Variants in NFATC4 observed in about 807,000 individuals in gnomAD.
NFATC4 encodes nuclear factor of activated T-cells, cytoplasmic 4.
NFATC4 carries 25 observed loss-of-function variants against 73.4 expected under a neutral mutation model. The ratio of observed to expected loss-of-function variants is 0.34; its 90% CI spans 0.25 to 0.48. NFATC4 has a LOEUF of 0.48. Ranked by LOEUF, NFATC4 falls within the 20% of genes least tolerant of loss-of-function variation. The pLI is 0.99. For synonymous variants in NFATC4, 523 were observed against 510.3 expected (o/e 1.02, Z -0.34); for missense variants, 1,130 against 1,203.7 (o/e 0.94, Z 0.91).
chr14:24,373,083 C>T lies in NFATC4; in HGVS notation c.1360-88C>T, dbSNP rs1225844735. The T allele has an allele frequency of 2.6e-5, 34 of 1,328,862 alleles. No individual in the cohort carries two copies. The highest frequency in any genetic ancestry group is 3.5e-5 in the Non-Finnish European group (33 of 950,068). 82.3% of individuals were successfully genotyped at this position (1,328,862 alleles called of 1,614,324 possible). Reference sequence around the variant, plus strand: ...GATATCCTTTATCTTTCACCATTCCCATCCCATGGTAGACTGAAAATCTAG... The same window carrying T: ...GATATCCTTTATCTTTCACCATTCCTATCCCATGGTAGACTGAAAATCTAG... On this transcript the variant is annotated intron_variant, in intron 3 of 9. Coordinates refer to ENST00000250373, the MANE Select transcript of NFATC4 (RefSeq NM_004554.5). This position sits in a 1 kb window ranked among gnomAD's most constrained non-coding sequence, Gnocchi z 4.7.
intron 5 of NFATC4, 193 bp from the exon 6 acceptor site, chr14:24,374,133 C>A (rs1014986314): frequency 5.5e-5 from 49 of 898,352 alleles, no homozygotes; most frequent in Non-Finnish European, 8.7e-5. Context: ...CTGTTTAACC[C>A]TCTCTCTGCT....
At chr14:24,375,741 TGG>T in intron 7 of NFATC4, 26 bp downstream of exon 7, 1 of 303,954 alleles carries the variant, frequency 3.3e-6, no homozygotes, top group Non-Finnish European at 5.8e-6. Context: ...GGATACCTCC[TGG>T]GGGGCGGGGG....
At chr14:24,372,398 G>T in intron 2 of NFATC4, 43 bp from the exon 3 acceptor site, 1 of 1,598,938 alleles carries the variant, frequency 6.3e-7, no homozygotes, top group Non-Finnish European at 8.5e-7. Flanking sequence ...GCCTGACTGG[G>T]GTCTGAGGCT....
intron 1 of NFATC4, among the ~76,000 whole-genome samples, chr14:24,368,770 G>A (rs2042376589): frequency 1.3e-5 from 2 of 152,090 alleles, no homozygotes; most frequent in South Asian, 2.1e-4. Context: ...GTTTGGCGCT[G>A]GAGCTGGCCC....
intron 2 of NFATC4, 108 bp from the exon 3 acceptor site, chr14:24,372,333 G>T (rs1159369315): frequency 5.6e-5 from 66 of 1,180,388 alleles, no homozygotes; most frequent in South Asian, 2.2e-4. Context: ...TATTTCTTCT[G>T]TGCTTTCCTT....
At position 24,369,803 on chromosome 14, in the gene NFATC4, T is replaced by G. The variant is rs1566462302; in HGVS notation, c.405T>G (p.Pro135=). The G allele has an allele frequency of 1.3e-6, 2 of 1,597,704 alleles. No individual in the cohort carries two copies. The highest frequency in any genetic ancestry group is 2.2e-5 in the South Asian group (2 of 89,534). The change falls in exon 2 of 10, where the codon CCT becomes CCG. Residue 135 remains proline (P), a synonymous_variant. Transcript: ENST00000250373. The stretch of plus-strand genomic sequence containing the variant: ...CGCCAGCAGCGCTGGAGGACAACCC[T>G]GATGCCTGGGGGGACGGCTCTCCTA... The part of the protein sequence containing the change: ...PEPPAALEDN[P]DAWGDGSPRD...
At position 24,376,461 on chromosome 14, in the gene NFATC4, G is replaced by C. The variant is rs183076331; in HGVS notation, c.2224G>C (p.Gly742Arg). 6.2e-7 allele frequency: 1 copy of C among 1,613,646 alleles called. No homozygotes were observed. Among genetic ancestry groups the C allele is most frequent in the South Asian group, 1.1e-5 (1 of 91,040 alleles). ...AACTCCTTACCTATCAGAAGGCTTC[G>C]GCTATGGCATGCCCCCTCTGTACCC... Reference protein sequence around the residue: ...CETPYLSEGFGYGMPPLYPQT... With the variant: ...CETPYLSEGFRYGMPPLYPQT... Residue 742 changes from glycine to arginine, a missense_variant, in exon 9 of 10, where the codon GGC becomes CGC. Transcript: ENST00000250373. The surrounding 1 kb of genome is among the most constrained non-coding windows in gnomAD (Gnocchi z 5.0).
upstream of NFATC4, chr14:24,367,941 G>A (rs1484872288): frequency 4.0e-6 from 5 of 1,248,404 alleles, no homozygotes; most frequent in Non-Finnish European, 5.0e-6. Context: ...TCACAACGGC[G>A]GACCAATAGG....
upstream of NFATC4, chr14:24,367,598 A>C: frequency 6.5e-7 from 1 of 1,536,116 alleles, no homozygotes. Context: ...TGGCTGATGG[A>C]GGCGCTGATT....
At chr14:24,375,518 G>T (rs897570527) in intron 6 of NFATC4, 142 bp from the exon 7 acceptor site, 1 of 742,098 alleles carries the variant, frequency 1.3e-6, no homozygotes, top group Non-Finnish European at 2.3e-6. Flanking sequence ...AAGTTAACAT[G>T]CAGTGGGCTC....
Position 24,377,843 on chromosome 14 carries a change from G to A in NFATC4, c.*138G>A. 6.7e-7 allele frequency: 1 copy of A among 1,492,382 alleles called. No individual in the cohort carries two copies. Among genetic ancestry groups the A allele is most frequent in the Non-Finnish European group, 9.0e-7 (1 of 1,114,294 alleles). The allele number at this position is 1,492,382 out of a possible 1,614,324, so 92.4% of individuals were successfully genotyped here. The stretch of plus-strand genomic sequence containing the variant: ...TTCCCCAGCTTCTGTCTGTCTCACT[G>A]TCTTCCCTCCCCTCCCCCAGCTGAG... On this transcript the variant is annotated 3_prime_UTR_variant, in exon 10 of 10. Transcript: ENST00000250373. This position sits in a 1 kb window ranked among gnomAD's most constrained non-coding sequence, Gnocchi z 4.2.
chr14:24,368,982 T>G, intron 1 of NFATC4: 1 of 1,097,696 alleles, frequency 9.1e-7, no homozygotes, highest in Non-Finnish European at 1.1e-6. Flanking sequence ...CCAGCACGCA[T>G]CACCCCCTCG....
chr14:24,368,247 A>G lies in NFATC4; in HGVS notation c.-94A>G. 2 of 1,331,008 alleles carry G rather than the reference A, an allele frequency of 1.5e-6. No individual in the cohort carries two copies. The highest frequency in any genetic ancestry group is 1.9e-6 in the Non-Finnish European group (2 of 1,037,652). 82.4% of individuals were successfully genotyped at this position (1,331,008 alleles called of 1,614,324 possible). A position where few individuals can be genotyped will look rare whatever the true frequency, so the allele number is the denominator to read the frequency against. ...GACGGAGGAGGGGGCTTCTCAGAGA[A>G]AGGGAGGGAGGGAGCCACCCGGGTG... On this transcript the variant is annotated 5_prime_UTR_variant, in exon 1 of 10. Transcript: ENST00000250373.
In NFATC4 at chr14:24,369,508, CAG is replaced by C; in HGVS notation, c.113_114del (p.Glu38GlyfsTer98). On this transcript the variant is annotated frameshift_variant, in exon 2 of 10. Coordinates refer to ENST00000250373, the MANE Select transcript of NFATC4 (RefSeq NM_004554.5). LOFTEE classifies it high-confidence loss of function. ...CTTCCCATTTTGACAGAACTGGACT[CAG>C]AGGATGCCCCGCCATGCTGCCGTCT... The C allele has an allele frequency of 1.2e-6, 2 of 1,610,898 alleles. No homozygotes were observed. The highest frequency in any genetic ancestry group is 1.7e-6 in the Non-Finnish European group (2 of 1,177,874).
chr14:24,367,626 C>A, upstream of NFATC4: 1 of 1,536,126 alleles, frequency 6.5e-7, no homozygotes, highest in South Asian at 1.2e-5. Context: ...GCAAAGACTT[C>A]CAGAAGGCCC....
Position 24,377,492 on chromosome 14 carries a change from CTG to C in NFATC4, c.2642-145_2642-144del. The C allele has an allele frequency of 6.8e-7, 1 of 1,464,822 alleles. No homozygotes were observed. Among genetic ancestry groups the C allele is most frequent in the Non-Finnish European group, 9.0e-7 (1 of 1,111,276 alleles). The allele number at this position is 1,464,822 out of a possible 1,614,324, so 90.7% of individuals were successfully genotyped here. A position where few individuals can be genotyped will look rare whatever the true frequency, so the allele number is the denominator to read the frequency against. ...CAGGTGTCAAGACGTGTTGGGGAAACTGAGGCCCAGTGGAATAGAAGCCAGTA... is the reference window on the plus strand; with the variant it reads ...CAGGTGTCAAGACGTGTTGGGGAAACAGGCCCAGTGGAATAGAAGCCAGTA... On this transcript the variant is annotated intron_variant, in intron 9 of 9. Transcript: ENST00000250373. The surrounding 1 kb of genome is among the most constrained non-coding windows in gnomAD (Gnocchi z 4.2).
At chr14:24,375,602 T>C in intron 6 of NFATC4, 58 bp from the exon 7 acceptor site, 1 of 1,540,064 alleles carries the variant, frequency 6.5e-7, no homozygotes, top group Non-Finnish European at 8.8e-7. Flanking sequence ...GGCAGAGAAC[T>C]AGGGCAGGGG....
chr14:24,369,103 G>T, intron 1 of NFATC4: 1 of 1,426,620 alleles, frequency 7.0e-7, no homozygotes, highest in Non-Finnish European at 9.1e-7. Context: ...GGCAACTGGG[G>T]CTCCTGCCAG....
intron 2 of NFATC4, chr14:24,372,214 C>T: frequency 1.9e-6 from 1 of 537,752 alleles, no homozygotes; most frequent in Non-Finnish European, 3.3e-6. Flanking sequence ...GCTCTGTCCC[C>T]TACTTCCCCT....
Sources: gnomAD v4.1 joint callset for allele counts (sites outside exome capture counted in the v4.1 genomes callset) on GRCh38, gnomAD v4.1.1 for gene constraint, Gnocchi (gnomAD v3.1) non-coding constraint, MANE v1.5 for transcripts, NCBI Gene and HGNC (gene_info 2026-07-23, HGNC 2026-07-21) for gene names.